Variants in FMNL2 observed in about 807,000 individuals in gnomAD.
FMNL2 encodes the protein formin like 2, also known as formin-like protein 2.
Under a neutral mutation model 130.2 loss-of-function variants are expected in FMNL2, and 51 were observed. The observed-to-expected ratio is 0.39, with a 90% confidence interval of 0.31 to 0.49. The LOEUF is 0.49. FMNL2 is among the 20% of genes least tolerant of loss of function. The pLI, the probability that FMNL2 is intolerant of heterozygous loss-of-function variation, is 0.85. For synonymous variants in FMNL2, 465 were observed against 467.1 expected (o/e 1.00, Z 0.06); for missense variants, 977 against 1,316.2 (o/e 0.74, Z 3.99).
At chr2:152,561,381 C>G (rs1308138746) in intron 6 of FMNL2, among the ~76,000 whole-genome samples, 16 of 152,082 alleles carry the variant, frequency 1.1e-4, no homozygotes, top group Admixed American at 1.0e-3. Flanking sequence ...GTAGAGGCAG[C>G]ACTTAGAGAT....
intron 1 of FMNL2, among the ~76,000 whole-genome samples, chr2:152,404,126 C>T (rs569013887): frequency 9.2e-4 from 140 of 152,318 alleles, no homozygotes; most frequent in East Asian, 1.4e-3. Context: ...CCATACCCCC[C>T]GCCTTTTTTT....
At chr2:152,474,851 AGAG>A (rs1488402950) in intron 1 of FMNL2, among the ~76,000 whole-genome samples, 1 of 152,236 alleles carries the variant, frequency 6.6e-6, no homozygotes, top group East Asian at 1.9e-4. Flanking sequence ...TCTGGGAAGC[AGAG>A]GAGAACAGAG....
chr2:152,500,513 T>TC (rs1231608676), intron 1 of FMNL2, among the ~76,000 whole-genome samples: 3 of 152,030 alleles, frequency 2.0e-5, no homozygotes, highest in African/African-American at 7.2e-5. Context: ...AGCAAATAGA[T>TC]CCCCTACCCT....
chr2:152,614,931 A>G lies in FMNL2; in HGVS notation c.1143A>G (p.Leu381=), dbSNP rs1303334436. The G allele has an allele frequency of 3.1e-6, 5 of 1,613,762 alleles. No individual in the cohort carries two copies. In the Admixed American group the frequency reaches 8.3e-5, roughly 27 times the overall value. The change falls in exon 12 of 26, where the codon CTA becomes CTG. Residue 381 remains leucine (L), a synonymous_variant. Transcript: ENST00000288670. ...YLDNVFDVGA[L]LEDAETKNAA... is the part of the protein sequence containing the mutation. ...ACAATGTTTTTGATGTAGGAGCTCT[A>G]CTGGAAGATGCTGAAACTAAGAATG...
intron 2 of FMNL2, among the ~76,000 whole-genome samples, chr2:152,525,377 G>A (rs1218449395): frequency 6.6e-6 from 1 of 152,174 alleles, no homozygotes; most frequent in African/African-American, 2.4e-5. Flanking sequence ...GATGGGTGTA[G>A]ATTCCACCAA....
At chr2:152,627,974 C>T (rs1395013019) in intron 17 of FMNL2, among the ~76,000 whole-genome samples, 1 of 152,186 alleles carries the variant, frequency 6.6e-6, no homozygotes, top group Non-Finnish European at 1.5e-5. Context: ...GATGCTTTGG[C>T]CTTGGTTCTA....
intron 1 of FMNL2, among the ~76,000 whole-genome samples, chr2:152,412,461 TA>T (rs1686358821): frequency 1.1e-4 from 1 of 8,792 alleles, no homozygotes; most frequent in African/African-American, 2.9e-4. Context: ...TATATATATA[TA>T]TATATATATA....
intron 1 of FMNL2, among the ~76,000 whole-genome samples, chr2:152,407,967 G>A (rs1429320818): frequency 2.0e-5 from 3 of 152,186 alleles, no homozygotes; most frequent in Non-Finnish European, 4.4e-5. Context: ...GCTGCTGAAG[G>A]ATCTGTTTGT....
chr2:152,452,798 C>G (rs931827526), intron 1 of FMNL2, among the ~76,000 whole-genome samples: 2 of 152,154 alleles, frequency 1.3e-5, no homozygotes, highest in South Asian at 4.1e-4. Context: ...GGAGGGCTGT[C>G]GTACCAGGTG....
At chr2:152,532,046 A>G (rs542874046) in intron 2 of FMNL2, among the ~76,000 whole-genome samples, 26 of 152,322 alleles carry the variant, frequency 1.7e-4, no homozygotes, top group Admixed American at 1.6e-3. Context: ...TGCAATTACC[A>G]TAATTTTTAA....
intron 1 of FMNL2, among the ~76,000 whole-genome samples, chr2:152,397,329 A>G (rs1456424809): frequency 6.6e-6 from 1 of 152,126 alleles, no homozygotes; most frequent in Non-Finnish European, 1.5e-5. Context: ...GGGAAGACTT[A>G]GGGAAATTAT....
intron 6 of FMNL2, among the ~76,000 whole-genome samples, chr2:152,562,850 G>T (rs1210679402): frequency 6.6e-6 from 1 of 152,184 alleles, no homozygotes; most frequent in Non-Finnish European, 1.5e-5. Context: ...TAGTTTAACT[G>T]TAATTATTTG....
intron 4 of FMNL2, among the ~76,000 whole-genome samples, chr2:152,551,187 T>C (rs936198121): frequency 6.7e-6 from 1 of 148,514 alleles, no homozygotes; most frequent in Non-Finnish European, 1.5e-5. Context: ...GCCGAAGTAA[T>C]GTGAAATTGA....
rs570117066 is a variant in FMNL2, at chr2:152,604,502, C to T, written c.877-2837C>T. On this transcript the variant is annotated intron_variant, in intron 9 of 25. Coordinates refer to ENST00000288670, the MANE Select transcript of FMNL2 (RefSeq NM_052905.4). ...TCAACCAAACATGAATCACGGTCTG[C>T]TTCTCAGGAGAGCTGGTAGCTCTCC... Among the ~76,000 whole-genome samples the T allele has an allele frequency of 8.8e-4, 131 of 148,182 alleles. 3 individuals are homozygous for T. Among genetic ancestry groups the T allele is most frequent in the South Asian group, 4.1e-3 (18 of 4,366 alleles).
chr2:152,462,246 G>T (rs1237811081), intron 1 of FMNL2, among the ~76,000 whole-genome samples: 1 of 152,190 alleles, frequency 6.6e-6, no homozygotes, highest in Non-Finnish European at 1.5e-5. Context: ...AGTGTGAGTA[G>T]CTACATAGGG....
chr2:152,583,661 A>G (rs1696912264), intron 9 of FMNL2, among the ~76,000 whole-genome samples: 1 of 152,190 alleles, frequency 6.6e-6, no homozygotes, highest in African/African-American at 2.4e-5. Context: ...TATGTGAATG[A>G]GCATAGAATA....
intron 1 of FMNL2, among the ~76,000 whole-genome samples, chr2:152,406,945 A>G (rs1340303862): frequency 1.3e-5 from 2 of 152,238 alleles, no homozygotes; most frequent in Non-Finnish European, 2.9e-5. Context: ...TGAGTCACCC[A>G]GACTTCATCC....
chr2:152,400,390 C>T (rs560684999), intron 1 of FMNL2, among the ~76,000 whole-genome samples: 4 of 152,076 alleles, frequency 2.6e-5, no homozygotes, highest in African/African-American at 9.6e-5. Flanking sequence ...GAGCTGAGAT[C>T]GCGCCACTGC....
intron 25 of FMNL2, chr2:152,643,395 G>C: frequency 6.5e-7 from 1 of 1,535,576 alleles, no homozygotes; most frequent in Non-Finnish European, 8.7e-7. Flanking sequence ...TGTTTGTGTT[G>C]TTTGGCTGTC....
Sources: gnomAD v4.1 joint callset for allele counts (sites outside exome capture counted in the v4.1 genomes callset) on GRCh38, gnomAD v4.1.1 for gene constraint, MANE v1.5 for transcripts, NCBI Gene and HGNC (gene_info 2026-07-23, HGNC 2026-07-21) for gene names.